Variants in MCF2L2 observed in about 807,000 individuals in gnomAD.
MCF2L2 encodes the protein probable guanine nucleotide exchange factor MCF2L2.
In MCF2L2, 102 loss-of-function variants were observed where a neutral mutation model predicts 150.2. That is an observed-to-expected ratio of 0.68 (90% CI 0.58 to 0.80). MCF2L2 has a LOEUF of 0.80. MCF2L2 is among the 30% of genes least tolerant of loss of function. The pLI, the probability that MCF2L2 is intolerant of heterozygous loss-of-function variation, is 0.00. For missense variants in MCF2L2, 1,256 were observed against 1,372.8 expected (o/e 0.91, Z 1.34); for synonymous variants, 465 against 491.3 (o/e 0.95, Z 0.71).
At chr3:183,316,299 ATTTTT>A (rs11330224) in intron 7 of MCF2L2, among the ~76,000 whole-genome samples, 1 of 149,694 alleles carries the variant, frequency 6.7e-6, no homozygotes, top group Non-Finnish European at 1.5e-5. Context: ...TTCAGTCCAG[ATTTTT>A]TTTTTTTGTT....
At position 183,234,707 on chromosome 3, in the gene MCF2L2, T is replaced by TTTTTA. The variant is rs774291171; in HGVS notation, c.1863-3691_1863-3690insTAAAA. 1.6e-3 allele frequency among the ~76,000 whole-genome samples: 182 copies of TTTTTA among 113,920 alleles called. 2 individuals carry two copies. The highest frequency in any genetic ancestry group is 3.2e-3 in the African/African-American group (105 of 33,330). The allele number at this position is 113,920 out of a possible 152,430, so 74.7% of individuals were successfully genotyped here. On this transcript the variant is annotated intron_variant, in intron 15 of 29. Transcript: ENST00000328913. ...TGACTCTTTTTTTTTTTTTTTTTTTTTTATTATACTCTAAGTTTTAGGGTA... is the reference window on the plus strand; with the variant it reads ...TGACTCTTTTTTTTTTTTTTTTTTTTTTTTATTATTATACTCTAAGTTTTAGGGTA...
Position 183,322,784 on chromosome 3 carries a change from C to CA in MCF2L2, c.603+450dup, listed in dbSNP as rs139444735. Among the ~76,000 whole-genome samples, 73 of 152,252 alleles carry CA rather than the reference C, an allele frequency of 4.8e-4. 1 individual carries two copies. In the East Asian group the frequency reaches 0.011, roughly 24 times the overall value. ...AGTTCTACAATCCTTGTCCCCCTCC[C>CA]ACCTTCTCACCTATAGTAGTCCCCG... On this transcript the variant is annotated intron_variant, in intron 6 of 29. Transcript: ENST00000328913.
chr3:183,276,629 A>AT lies in MCF2L2; in HGVS notation c.1862+242dup, dbSNP rs1417817026. On this transcript the variant is annotated intron_variant, in intron 15 of 29. Coordinates refer to ENST00000328913, the MANE Select transcript of MCF2L2 (RefSeq NM_015078.4). ...CATGTAATATTCTCTTGATAGCCCA[A>AT]TTTTTTAAAACACTGTATTCTTAGA... The AT allele has an allele frequency of 5.9e-5, 25 of 422,566 alleles. No individual in the cohort carries two copies. In the Middle Eastern group the frequency reaches 2.3e-3, roughly 39 times the overall value. 26.2% of individuals were successfully genotyped at this position (422,566 alleles called of 1,614,324 possible).
chr3:183,411,549 G>A (rs1383941142), intron 1 of MCF2L2, among the ~76,000 whole-genome samples: 4 of 151,438 alleles, frequency 2.6e-5, no homozygotes, highest in African/African-American at 9.7e-5. Context: ...CAAGTATCTG[G>A]CAAAGATTTT....
chr3:183,185,160 C>T (rs1035691857), intron 27 of MCF2L2, among the ~76,000 whole-genome samples: 1 of 152,216 alleles, frequency 6.6e-6, no homozygotes, highest in Non-Finnish European at 1.5e-5. Context: ...CCACGTGATC[C>T]GCCCACCTTG....
At chr3:183,351,234 A>ATATATATATATATT (rs1553786140) in intron 3 of MCF2L2, among the ~76,000 whole-genome samples, 1 of 60,446 alleles carries the variant, frequency 1.7e-5, no homozygotes. Flanking sequence ...ATATATATAT[A>ATATATATATATATT]TATTTATTTA....
intron 3 of MCF2L2, among the ~76,000 whole-genome samples, chr3:183,357,528 A>C (rs748393266): frequency 1.3e-5 from 2 of 152,220 alleles, no homozygotes; most frequent in Non-Finnish European, 2.9e-5. Context: ...CGTGACACCA[A>C]AAGTGGAAAA....
chr3:183,391,764 A>G (rs1172520200), intron 1 of MCF2L2, among the ~76,000 whole-genome samples: 2 of 152,240 alleles, frequency 1.3e-5, no homozygotes, highest in African/African-American at 2.4e-5. Flanking sequence ...AACATAGAGA[A>G]TTTCAGCAGA....
chr3:183,269,229 G>GTTTTTTTTTTTTTTTTTTTTTT, intron 15 of MCF2L2, among the ~76,000 whole-genome samples: 1 of 77,022 alleles, frequency 1.3e-5, no homozygotes, highest in Admixed American at 1.2e-4. Flanking sequence ...CGTTTGGGAA[G>GTTTTTTTTTTTTTTTTTTTTTT]CTTTTTTTTT....
chr3:183,316,523 T>G (rs937751977), intron 7 of MCF2L2, among the ~76,000 whole-genome samples: 2 of 151,766 alleles, frequency 1.3e-5, no homozygotes, highest in Middle Eastern at 3.4e-3. Context: ...TTTTGTGTTT[T>G]TAGTAGAGAC....
chr3:183,299,535 T>A (rs1250271896), intron 11 of MCF2L2: 1 of 154,776 alleles, frequency 6.5e-6, no homozygotes, highest in East Asian at 1.9e-4. Flanking sequence ...ATAGATGACA[T>A]AATTATGTTC....
chr3:183,195,153 T>G, intron 26 of MCF2L2, 69 bp downstream of exon 26: 2 of 1,199,150 alleles, frequency 1.7e-6, no homozygotes, highest in East Asian at 5.1e-5. Flanking sequence ...ATAAAAGCAA[T>G]GACATGGACT....
At chr3:183,401,901 G>T (rs11708332) in intron 1 of MCF2L2, among the ~76,000 whole-genome samples, 1 of 152,006 alleles carries the variant, frequency 6.6e-6, no homozygotes, top group African/African-American at 2.4e-5. Flanking sequence ...TCATGTAAAG[G>T]CCTGTGTGTA....
intron 15 of MCF2L2, among the ~76,000 whole-genome samples, chr3:183,256,449 A>G (rs1452174366): frequency 2.0e-5 from 3 of 152,236 alleles, no homozygotes; most frequent in Admixed American, 6.5e-5. Flanking sequence ...CAAGATTTGA[A>G]TAAAAAAGCG....
At position 183,402,451 on chromosome 3, in the gene MCF2L2, CAAAAAAAAAA is replaced by C. The variant is rs779201489; in HGVS notation, c.77-12682_77-12673del. Among the ~76,000 whole-genome samples the C allele has an allele frequency of 8.0e-4, 44 of 54,776 alleles. 1 individual carries two copies. Among genetic ancestry groups the C allele is most frequent in the Admixed American group, 6.0e-3 (22 of 3,650 alleles). The allele number at this position is 54,776 out of a possible 152,430, so 35.9% of individuals were successfully genotyped here. A position where few individuals can be genotyped will look rare whatever the true frequency, so the allele number is the denominator to read the frequency against. On this transcript the variant is annotated intron_variant, in intron 1 of 29. Transcript: ENST00000328913. The stretch of plus-strand genomic sequence containing the variant: ...CCTGGGCTACAGAGCGAGACTCCAT[CAAAAAAAAAA>C]AAAAAAAAAAAAGAATATAAAAGGC...
intron 15 of MCF2L2, among the ~76,000 whole-genome samples, chr3:183,231,779 T>C (rs1194565394): frequency 6.6e-6 from 1 of 152,114 alleles, no homozygotes; most frequent in South Asian, 2.1e-4. Flanking sequence ...CTTTGACCCA[T>C]ATGGATGTAT....
chr3:183,298,765 G>GCGCGCGCGCGCGCGCGCGCACA, intron 11 of MCF2L2: 1 of 138,500 alleles, frequency 7.2e-6, no homozygotes, highest in African/African-American at 2.9e-5. Context: ...AAACACACAT[G>GCGCGCGCGCGCGCGCGCGCACA]CACACACACA....
intron 3 of MCF2L2, among the ~76,000 whole-genome samples, chr3:183,370,257 C>T (rs956106105): frequency 1.1e-4 from 16 of 152,222 alleles, no homozygotes; most frequent in Admixed American, 5.9e-4. Context: ...ATATACCTAC[C>T]CTTTCCTAAT....
chr3:183,280,837 G>C (rs1367398326), intron 14 of MCF2L2, among the ~76,000 whole-genome samples: 1 of 141,426 alleles, frequency 7.1e-6, no homozygotes, highest in Non-Finnish European at 1.5e-5. Flanking sequence ...AACAGAGTGA[G>C]TCTCTGTCAA....
Sources: allele counts gnomAD v4.1 joint callset (sites outside exome capture counted in the v4.1 genomes callset), GRCh38; gene constraint gnomAD v4.1.1; transcripts MANE v1.5; gene names NCBI Gene and HGNC (gene_info 2026-07-23, HGNC 2026-07-21).